Variants in KDM4C observed in about 807,000 individuals in gnomAD.
KDM4C encodes lysine demethylase 4C.
Under a neutral mutation model 129.3 loss-of-function variants are expected in KDM4C, and 81 were observed. That is an observed-to-expected ratio of 0.63 (90% CI 0.52 to 0.75). The LOEUF (loss-of-function observed/expected upper bound fraction) is 0.75. Among genes scored for constraint, KDM4C ranks in the 30% least tolerant of loss-of-function variants. The pLI is 0.00. For synonymous variants in KDM4C, 573 were observed against 456.1 expected, an observed-to-expected ratio of 1.26 and a Z score of -3.26; for missense variants, 1,457 against 1,304.0, an observed-to-expected ratio of 1.12 and a Z score of -1.81.
intron 1 of KDM4C, among the ~76,000 whole-genome samples, chr9:6,764,209 C>T (rs946561113): frequency 1.7e-4 from 26 of 152,226 alleles, no homozygotes; most frequent in African/African-American, 6.0e-4. Context: ...AATAGGCTGC[C>T]CAGTTGGAAT....
chr9:7,060,629 A>C (rs961038387), intron 17 of KDM4C, among the ~76,000 whole-genome samples: 9 of 151,768 alleles, frequency 5.9e-5, no homozygotes. Context: ...CTACAGGTGC[A>C]TGCCACCATG....
intron 19 of KDM4C, among the ~76,000 whole-genome samples, chr9:7,135,355 G>A (rs958088373): frequency 2.0e-4 from 31 of 152,194 alleles, no homozygotes; most frequent in African/African-American, 7.0e-4. Context: ...CAAAGGACAG[G>A]TTCCTGGCAC....
At chr9:6,943,381 G>T (rs1029577664) in intron 8 of KDM4C, among the ~76,000 whole-genome samples, 1 of 152,018 alleles carries the variant, frequency 6.6e-6, no homozygotes, top group Admixed American at 6.6e-5. Context: ...TACAAACTTC[G>T]CATTTCTCTT....
intron 15 of KDM4C, among the ~76,000 whole-genome samples, chr9:7,026,538 G>T (rs1229671043): frequency 1.3e-5 from 2 of 151,882 alleles, no homozygotes; most frequent in African/African-American, 4.8e-5. Context: ...ACCTTTGGGA[G>T]TTTGATTATT....
At position 6,778,815 on chromosome 9, in the gene KDM4C, C is replaced by CT. The variant is rs34355554; in HGVS notation, c.-17-14141dup. Among the ~76,000 whole-genome samples, 483 of 141,390 alleles carry CT rather than the reference C, an allele frequency of 3.4e-3. 2 individuals are homozygous for CT. The highest frequency in any genetic ancestry group is 4.9e-3 in the Non-Finnish European group (322 of 65,598). The allele number at this position is 141,390 out of a possible 152,430, so 92.8% of individuals were successfully genotyped here. On this transcript the variant is annotated intron_variant, in intron 1 of 21. Transcript: ENST00000381309. The stretch of plus-strand genomic sequence containing the variant: ...GTCTATCTAGGTGGAGATTTGGTGC[C>CT]TTTTTTTTTTTTTTTTAATTATGAG...
At chr9:6,740,018 C>A (rs1223242261) in intron 1 of KDM4C, among the ~76,000 whole-genome samples, 1 of 151,710 alleles carries the variant, frequency 6.6e-6, no homozygotes, top group Non-Finnish European at 1.5e-5. Context: ...GTCTCCCAAG[C>A]AGCTGGGACT....
In KDM4C at chr9:6,915,423, A is replaced by T. The variant is rs186405040; in HGVS notation, c.921+22191A>T. On this transcript the variant is annotated intron_variant, in intron 8 of 21. Transcript: ENST00000381309. ...TTGTCTTCTCACTACTACTGTGATG[A>T]ACACTTGGAGATGCCTGCCACTTTG... Among the ~76,000 whole-genome samples, 146 of 152,330 alleles carry T rather than the reference A, an allele frequency of 9.6e-4. 1 individual carries two copies. The highest frequency in any genetic ancestry group is 3.3e-3 in the African/African-American group (136 of 41,564).
chr9:6,965,146 TGA>T (rs1830721209), intron 8 of KDM4C, among the ~76,000 whole-genome samples: 1 of 152,010 alleles, frequency 6.6e-6, no homozygotes, highest in African/African-American at 2.4e-5. Context: ...TTATTTTTAA[TGA>T]GAGAAAAATT....
intron 17 of KDM4C, among the ~76,000 whole-genome samples, chr9:7,052,910 T>TGAGAGAGTGTTGTACAGTGGGGTGCTTTA (rs139147225): frequency 1.6e-5 from 2 of 126,712 alleles, no homozygotes; most frequent in African/African-American, 5.5e-5. Context: ...AGCGAGCGAG[T>TGAGAGAGTGTTGTACAGTGGGGTGCTTTA]GCCCAAGGGA....
intron 1 of KDM4C, among the ~76,000 whole-genome samples, chr9:6,760,542 T>A (rs550303173): frequency 9.7e-5 from 14 of 143,934 alleles, no homozygotes; most frequent in Admixed American, 2.1e-4. Context: ...TGATACTCTT[T>A]TTTATTTATT....
chr9:7,167,017 A>G (rs1397895636), intron 20 of KDM4C, among the ~76,000 whole-genome samples: 1 of 152,236 alleles, frequency 6.6e-6, no homozygotes, highest in East Asian at 1.9e-4. Flanking sequence ...GATATGACAG[A>G]TAAATAAATA....
intron 8 of KDM4C, among the ~76,000 whole-genome samples, chr9:6,942,230 T>G (rs1826076805): frequency 6.6e-6 from 1 of 151,940 alleles, no homozygotes; most frequent in East Asian, 1.9e-4. Flanking sequence ...CCTTTTATTT[T>G]ATTATGTCTG....
intron 15 of KDM4C, among the ~76,000 whole-genome samples, chr9:7,035,721 G>A (rs1012261529): frequency 6.6e-6 from 1 of 151,922 alleles, no homozygotes; most frequent in Non-Finnish European, 1.5e-5. Context: ...CAATTTTTCC[G>A]GCACTGTTCA....
chr9:6,797,408 C>G (rs1291464468), intron 2 of KDM4C, among the ~76,000 whole-genome samples: 1 of 152,184 alleles, frequency 6.6e-6, no homozygotes, highest in Non-Finnish European at 1.5e-5. Flanking sequence ...TGGTTTTTCT[C>G]TTTCCCATTT....
At chr9:7,059,264 C>G (rs529536937) in intron 17 of KDM4C, among the ~76,000 whole-genome samples, 1 of 152,238 alleles carries the variant, frequency 6.6e-6, no homozygotes, top group South Asian at 2.1e-4. Context: ...ATCCTCCCAC[C>G]TCATTTTTAA....
At chr9:6,942,603 TTTCCCTCCGTTATGAAAC>T (rs1826164812) in intron 8 of KDM4C, 1 of 152,216 alleles carries the variant, frequency 6.6e-6, no homozygotes, top group Non-Finnish European at 1.5e-5. Context: ...CCATGTGTGC[TTTCCCTCCGTTATGAAAC>T]TTCTTCCTGT....
At chr9:7,011,605 C>A in intron 12 of KDM4C, 93 bp from the exon 13 acceptor site, 1 of 1,176,212 alleles carries the variant, frequency 8.5e-7, no homozygotes. Flanking sequence ...CTTAATATCA[C>A]AGATTCTGTG....
In KDM4C at chr9:7,154,606, G is replaced by A. The variant is rs531238172; in HGVS notation, c.2782-10632G>A. On this transcript the variant is annotated intron_variant, in intron 19 of 21. Transcript: ENST00000381309. Reference sequence around the variant, plus strand: ...GGCAGATGAATTTTTCCTTTTAGTTGATGGAGCAAGTATAGGAGTTTGGCC... The same window carrying A: ...GGCAGATGAATTTTTCCTTTTAGTTAATGGAGCAAGTATAGGAGTTTGGCC... Among the ~76,000 whole-genome samples the A allele has an allele frequency of 5.9e-5, 9 of 152,290 alleles. No individual in the cohort carries two copies. The East Asian group carries it at 1.7e-3, about 29-fold the overall frequency.
intron 19 of KDM4C, among the ~76,000 whole-genome samples, chr9:7,134,061 C>T (rs1312859506): frequency 6.6e-6 from 1 of 152,172 alleles, no homozygotes; most frequent in African/African-American, 2.4e-5. Flanking sequence ...TGCCCTTCTC[C>T]TCTTCCCTCT....
Sources: allele counts gnomAD v4.1 joint callset (sites outside exome capture counted in the v4.1 genomes callset), GRCh38; gene constraint gnomAD v4.1.1; transcripts MANE v1.5; gene names NCBI Gene and HGNC (gene_info 2026-07-23, HGNC 2026-07-21).